The following FMO5 variants were observed in gnomAD, a reference collection of about 807,000 sequenced individuals.
FMO5 encodes the protein flavin-containing monooxygenase 5.
Under a neutral mutation model 43.6 loss-of-function variants are expected in FMO5, and 51 were observed. That is an observed-to-expected ratio of 1.17 (90% CI 0.93 to 1.48). The LOEUF is 1.48. Ranked by LOEUF, FMO5 falls within the 40% of genes most tolerant of loss-of-function variation. The probability of loss-of-function intolerance (pLI) is 0.00; values close to 1 mark genes in which losing one functional copy is unlikely to be tolerated. For missense variants in FMO5, 644 were observed against 643.0 expected, an observed-to-expected ratio of 1.00 and a Z score of -0.02; for synonymous variants, 187 against 216.5, an observed-to-expected ratio of 0.86 and a Z score of 1.20.
intron 4 of FMO5, 65 bp from the exon 5 acceptor site, chr1:147,212,600 A>AT: frequency 6.7e-7 from 1 of 1,489,624 alleles, no homozygotes; most frequent in Admixed American, 1.9e-5. Flanking sequence ...TTGTCAAGTC[A>AT]TTTGTTTTTT....
At position 147,205,300 on chromosome 1, in the gene FMO5, C is replaced by G. The variant is rs114636603; in HGVS notation, c.830+3552G>C. On this transcript the variant is annotated intron_variant, in intron 6 of 8. Transcript: ENST00000254090. ...GATTAACTTCAACGGGAAAAAATAT[C>G]TTTATAGTGGAGAAACTTGATGGTA... 6.0e-3 allele frequency among the ~76,000 whole-genome samples: 907 copies of G among 152,230 alleles called. 4 individuals are homozygous for G. The highest frequency in any genetic ancestry group is 0.01 in the Middle Eastern group (3 of 294).
intron 8 of FMO5, among the ~76,000 whole-genome samples, chr1:147,187,930 G>C (rs1423135865): frequency 6.6e-6 from 1 of 152,150 alleles, no homozygotes; most frequent in Non-Finnish European, 1.5e-5. Context: ...GTAATGAAAA[G>C]AAAGAACTGT....
Position 147,194,285 on chromosome 1 carries a change from C to A in FMO5, c.1184-4036G>T, listed in dbSNP as rs146873516. 2.8e-3 allele frequency among the ~76,000 whole-genome samples: 433 copies of A among 152,182 alleles called. 7 individuals carry two copies. Among genetic ancestry groups the A allele is most frequent in the African/African-American group, 9.7e-3 (404 of 41,492 alleles). On this transcript the variant is annotated intron_variant, in intron 7 of 8. Coordinates refer to ENST00000254090, the MANE Select transcript of FMO5 (RefSeq NM_001461.4). The stretch of plus-strand genomic sequence containing the variant: ...AATGGCCTTCTTTGTCTCTTTAGAT[C>A]TTTGCTGGTTTAAAGTCTGTTTTAT...
intron 8 of FMO5, among the ~76,000 whole-genome samples, 165 bp from the exon 9 acceptor site, chr1:147,187,410 C>T (rs1264826021): frequency 6.6e-6 from 1 of 152,122 alleles, no homozygotes; most frequent in East Asian, 1.9e-4. Flanking sequence ...GATCTTAGGA[C>T]TTACAAAAGG....
downstream of FMO5, chr1:147,184,548 T>A (rs782102088): frequency 1.9e-6 from 3 of 1,548,892 alleles, 1 homozygote; most frequent in South Asian, 2.4e-5. This position sits in a 1 kb window ranked among gnomAD's most constrained non-coding sequence, Gnocchi z 4.4. Flanking sequence ...TCTTTGTTGA[T>A]GATCTTGACA....
At chr1:147,203,581 T>G in intron 6 of FMO5, 2 of 1,051,484 alleles carry the variant, frequency 1.9e-6, no homozygotes, top group Non-Finnish European at 3.0e-6. Context: ...TTTCTGCCAG[T>G]GCACGGGGAA....
chr1:147,224,155 G>GACA (rs1663584760), intron 2 of FMO5: 1 of 293,172 alleles, frequency 3.4e-6, no homozygotes, highest in South Asian at 3.1e-5. Flanking sequence ...CCTGCACGAC[G>GACA]TTGCCTTCAC....
intron 7 of FMO5, among the ~76,000 whole-genome samples, chr1:147,191,457 T>C (rs1181375888): frequency 6.6e-6 from 1 of 152,184 alleles, no homozygotes; most frequent in Non-Finnish European, 1.5e-5. Flanking sequence ...TTTTTTCATG[T>C]ATTTTTTGGC....
chr1:147,213,693 C>T (rs1661460188), intron 3 of FMO5, among the ~76,000 whole-genome samples: 1 of 152,084 alleles, frequency 6.6e-6, no homozygotes, highest in African/African-American at 2.4e-5. Context: ...GCTAATGTAC[C>T]CTCCTCTTCT....
chr1:147,197,252 T>C (rs1658166129), intron 7 of FMO5, among the ~76,000 whole-genome samples: 1 of 152,186 alleles, frequency 6.6e-6, no homozygotes, highest in African/African-American at 2.4e-5. Context: ...TATTTCCTTG[T>C]CCTTTTAGTA....
At chr1:147,201,673 G>T (rs1213668612) in intron 6 of FMO5, among the ~76,000 whole-genome samples, 169 bp from the exon 7 acceptor site, 4 of 152,200 alleles carry the variant, frequency 2.6e-5, no homozygotes, top group African/African-American at 9.7e-5. Flanking sequence ...CACAGATCAA[G>T]ATCAGATCTG....
chr1:147,190,118 TC>T, intron 8 of FMO5, 58 bp downstream of exon 8: 1 of 1,166,828 alleles, frequency 8.6e-7, no homozygotes. Flanking sequence ...GTACAATATT[TC>T]TTTTATTAAG....
chr1:147,197,214 G>A (rs953392788), intron 7 of FMO5, among the ~76,000 whole-genome samples: 1 of 152,108 alleles, frequency 6.6e-6, no homozygotes, highest in Non-Finnish European at 1.5e-5. Context: ...TGCATAAACA[G>A]TAGTGATTAT....
At chr1:147,226,775 T>G (rs782412018), upstream of FMO5, among the ~76,000 whole-genome samples, 38 of 152,232 alleles carry the variant, frequency 2.5e-4, no homozygotes, top group Admixed American at 4.6e-4. Flanking sequence ...ATTGAATTTT[T>G]TGTTGTATTT....
chr1:147,192,040 C>A (rs1227253023), intron 7 of FMO5, among the ~76,000 whole-genome samples: 1 of 152,128 alleles, frequency 6.6e-6, no homozygotes, highest in South Asian at 2.1e-4. Flanking sequence ...TTTTCCAATT[C>A]TGTGAAGAAA....
At position 147,211,464 on chromosome 1, in the gene FMO5, GA is replaced by G. The variant is rs1257679588; in HGVS notation, c.630+928del. ...AATAATTTTTGTGGTTATAGATGAG[GA>G]TAGCAATGAGAAGAAGTGTTTTTCA... On this transcript the variant is annotated intron_variant, in intron 5 of 8. Coordinates refer to ENST00000254090, the MANE Select transcript of FMO5 (RefSeq NM_001461.4). The G allele has an allele frequency of 3.3e-5, 5 of 152,122 alleles. No homozygotes were observed. In the South Asian group the frequency reaches 8.3e-4, roughly 25 times the overall value. The allele number at this position is 152,122 out of a possible 1,614,324, so 9.4% of individuals were successfully genotyped here. A position where few individuals can be genotyped will look rare whatever the true frequency, so the allele number is the denominator to read the frequency against.
intron 5 of FMO5, chr1:147,210,766 G>A (rs1195908644): frequency 6.6e-6 from 1 of 152,080 alleles, no homozygotes; most frequent in African/African-American, 2.4e-5. Flanking sequence ...CTTGATAAGT[G>A]CTTAATGGCT....
At chr1:147,220,944 CAA>C (rs11287039) in intron 2 of FMO5, among the ~76,000 whole-genome samples, 1 of 137,340 alleles carries the variant, frequency 7.3e-6, no homozygotes, top group Non-Finnish European at 1.6e-5. Context: ...TTTAAGTTTC[CAA>C]AAAAAAAAAA....
chr1:147,187,175 C>T lies in FMO5; in HGVS notation c.1327G>A (p.Val443Met). Residue 443 changes from valine (V) to methionine (M), a missense_variant, in exon 9 of 9, where the codon GTG (valine) becomes ATG (methionine). Coordinates refer to ENST00000254090, the MANE Select transcript of FMO5 (RefSeq NM_001461.4). ...IDTMEELADL[V>M]GVRPNLLSLA... Reference sequence around the variant, plus strand: ...GACAGCAGATTGGGCCTGACCCCCACCAAATCAGCAAGCTCTTCCATGGTA... The same window carrying T: ...GACAGCAGATTGGGCCTGACCCCCATCAAATCAGCAAGCTCTTCCATGGTA... 4 of 1,614,114 alleles carry T rather than the reference C, an allele frequency of 2.5e-6. No homozygotes were observed. The South Asian group carries it at 4.4e-5, about 18-fold the overall frequency.
Sources: allele counts gnomAD v4.1 joint callset (sites outside exome capture counted in the v4.1 genomes callset), GRCh38; gene constraint gnomAD v4.1.1; non-coding constraint Gnocchi (gnomAD v3.1); transcripts MANE v1.5; gene names NCBI Gene and HGNC (gene_info 2026-07-23, HGNC 2026-07-21).